Variants in IMMP2L observed in about 807,000 individuals in gnomAD.
The protein encoded by IMMP2L is inner mitochondrial membrane peptidase subunit 2.
A neutral mutation model predicts 19.3 loss-of-function variants in IMMP2L; 18 were observed. That is an observed-to-expected ratio of 0.93 (90% CI 0.64 to 1.38). IMMP2L has a LOEUF of 1.38. Ranked by LOEUF, IMMP2L falls within the 40% of genes most tolerant of loss-of-function variation. IMMP2L has a pLI of 0.00. For synonymous variants in IMMP2L, 76 were observed against 73.0 expected (o/e 1.04, Z -0.21); for missense variants, 233 against 218.2 (o/e 1.07, Z -0.43).
chr7:110,928,351 G>GCACACA lies in IMMP2L; in HGVS notation c.305+35143_305+35148dup, dbSNP rs58639346. Among the ~76,000 whole-genome samples the GCACACA allele has an allele frequency of 7.6e-3, 893 of 117,090 alleles. 1 individual carries two copies. The highest frequency in any genetic ancestry group is 9.6e-3 in the Middle Eastern group (2 of 208). The allele number at this position is 117,090 out of a possible 152,430, so 76.8% of individuals were successfully genotyped here. A position where few individuals can be genotyped will look rare whatever the true frequency, so the allele number is the denominator to read the frequency against. ...TAGGTACATATGTGTATATGTACCT[G>GCACACA]CACACACACACACACACACACACAC... On this transcript the variant is annotated intron_variant, in intron 4 of 5. Coordinates refer to ENST00000405709, the MANE Select transcript of IMMP2L (RefSeq NM_032549.4).
intron 4 of IMMP2L, among the ~76,000 whole-genome samples, chr7:110,910,467 T>C (rs1235143999): frequency 2.0e-5 from 3 of 152,110 alleles, no homozygotes; most frequent in African/African-American, 7.2e-5. Context: ...GATGCTAGGA[T>C]TGTAGACAAA....
At chr7:111,513,373 T>A (rs1165214439) in intron 2 of IMMP2L, among the ~76,000 whole-genome samples, 5 of 152,046 alleles carry the variant, frequency 3.3e-5, no homozygotes, top group African/African-American at 9.7e-5. Flanking sequence ...TCACTAATTA[T>A]CAGGGAAATG....
chr7:111,222,563 GAA>G (rs1369810076), intron 3 of IMMP2L, among the ~76,000 whole-genome samples: 1 of 151,874 alleles, frequency 6.6e-6, no homozygotes, highest in African/African-American at 2.4e-5. Flanking sequence ...ATATGCATAT[GAA>G]AAGATGTTCA....
intron 3 of IMMP2L, among the ~76,000 whole-genome samples, chr7:111,133,799 T>C (rs1217995957): frequency 6.6e-6 from 1 of 152,024 alleles, no homozygotes. Context: ...CTCCACCCTC[T>C]TAAACCTTCC....
intron 3 of IMMP2L, chr7:111,091,104 G>A (rs891674728): frequency 6.6e-6 from 1 of 152,122 alleles, no homozygotes; most frequent in African/African-American, 2.4e-5. Flanking sequence ...AGTTATTAAT[G>A]ACCGCTGAGC....
chr7:111,538,896 A>G (rs930710650), intron 1 of IMMP2L, among the ~76,000 whole-genome samples: 2 of 150,396 alleles, frequency 1.3e-5, no homozygotes, highest in African/African-American at 4.9e-5. Flanking sequence ...TGAGGTGGGC[A>G]GATCACAAGG....
intron 3 of IMMP2L, among the ~76,000 whole-genome samples, chr7:111,278,441 A>G (rs1584416276): frequency 6.6e-6 from 1 of 152,214 alleles, no homozygotes; most frequent in East Asian, 1.9e-4. Context: ...AAAATGACAC[A>G]CTTTTATTGT....
chr7:110,886,213 T>A (rs1810203285), intron 5 of IMMP2L, among the ~76,000 whole-genome samples: 1 of 152,170 alleles, frequency 6.6e-6, no homozygotes, highest in South Asian at 2.1e-4. Flanking sequence ...ACTAATGATT[T>A]AGAAAACTGA....
At chr7:110,816,736 CTT>C (rs1330619850) in intron 5 of IMMP2L, among the ~76,000 whole-genome samples, 5 of 150,454 alleles carry the variant, frequency 3.3e-5, no homozygotes, top group Admixed American at 2.7e-4. Flanking sequence ...TTCTTTGTCT[CTT>C]TTGATCTTTG....
intron 3 of IMMP2L, among the ~76,000 whole-genome samples, chr7:111,309,440 C>T (rs1191400755): frequency 1.3e-5 from 2 of 152,028 alleles, no homozygotes; most frequent in African/African-American, 2.4e-5. Context: ...AATAATTTTG[C>T]TCCCAAAGGT....
intron 5 of IMMP2L, among the ~76,000 whole-genome samples, chr7:110,761,013 G>A (rs1798319759): frequency 6.6e-6 from 1 of 152,098 alleles, no homozygotes; most frequent in Non-Finnish European, 1.5e-5. Context: ...CCAAATACAG[G>A]GCTTGCTGAT....
chr7:111,100,340 C>T (rs1317325319), intron 3 of IMMP2L, among the ~76,000 whole-genome samples: 1 of 150,380 alleles, frequency 6.6e-6, no homozygotes, highest in Non-Finnish European at 1.5e-5. Context: ...CATCTAACAA[C>T]AGGCTCTTTC....
intron 5 of IMMP2L, among the ~76,000 whole-genome samples, chr7:110,752,737 GGAAGA>G (rs1455323552): frequency 2.6e-5 from 4 of 151,978 alleles, no homozygotes; most frequent in Non-Finnish European, 4.4e-5. Context: ...AGGGATGTGG[GGAAGA>G]GAAGAGAAAA....
intron 3 of IMMP2L, among the ~76,000 whole-genome samples, chr7:110,981,692 G>A (rs893198192): frequency 6.6e-5 from 10 of 152,136 alleles, no homozygotes; most frequent in African/African-American, 2.4e-4. Flanking sequence ...CCAGGACTGA[G>A]GAAATATATC....
intron 5 of IMMP2L, among the ~76,000 whole-genome samples, chr7:110,698,664 A>G (rs1254799975): frequency 6.6e-6 from 1 of 152,222 alleles, no homozygotes; most frequent in African/African-American, 2.4e-5. Context: ...GCTGGAAGAC[A>G]GGAGGAGCTC....
rs143812004 is a variant in IMMP2L at position 110,929,360 on chromosome 7, C to T, written c.305+34140G>A. On this transcript the variant is annotated intron_variant, in intron 4 of 5. Coordinates refer to ENST00000405709, the MANE Select transcript of IMMP2L (RefSeq NM_032549.4). ...TAAGTAACACTAAGATATTTCCCTC[C>T]GTTTGAGAAAGTAAGGTCTCCTATG... Among the ~76,000 whole-genome samples the T allele has an allele frequency of 9.2e-4, 140 of 152,192 alleles. 1 individual carries two copies. The highest frequency in any genetic ancestry group is 3.2e-3 in the African/African-American group (131 of 41,524).
intron 3 of IMMP2L, among the ~76,000 whole-genome samples, chr7:111,478,526 G>C (rs1326858751): frequency 1.3e-5 from 2 of 151,850 alleles, no homozygotes; most frequent in Non-Finnish European, 2.9e-5. Context: ...CTCTGTAGTA[G>C]CTAGACTACA....
intron 5 of IMMP2L, among the ~76,000 whole-genome samples, chr7:110,841,693 T>C (rs1272940260): frequency 6.6e-6 from 1 of 152,154 alleles, no homozygotes; most frequent in Non-Finnish European, 1.5e-5. Flanking sequence ...TTGAAGACTT[T>C]TTTTTAAAGA....
chr7:111,353,535 T>C (rs1234714980), intron 3 of IMMP2L, among the ~76,000 whole-genome samples: 1 of 152,136 alleles, frequency 6.6e-6, no homozygotes, highest in East Asian at 1.9e-4. Context: ...ATACACTATC[T>C]TGTGTGTCAA....
Sources: allele counts gnomAD v4.1 joint callset (sites outside exome capture counted in the v4.1 genomes callset), GRCh38; gene constraint gnomAD v4.1.1; transcripts MANE v1.5; gene names NCBI Gene and HGNC (gene_info 2026-07-23, HGNC 2026-07-21).